Variants in DNM2 observed in about 807,000 individuals in gnomAD.
DNM2 encodes the protein dynamin-2.
DNM2 carries 15 observed loss-of-function variants against 99.0 expected under a neutral mutation model. The ratio of observed to expected loss-of-function variants is 0.15; its 90% CI spans 0.10 to 0.23. The LOEUF (loss-of-function observed/expected upper bound fraction) is 0.23. Among genes scored for constraint, DNM2 ranks in the 10% least tolerant of loss-of-function variants. The pLI is 1.00. For synonymous variants in DNM2, 525 were observed against 481.2 expected (o/e 1.09, Z -1.19); for missense variants, 742 against 1,189.4 (o/e 0.62, Z 5.53).
In DNM2 at chr19:10,830,535, G is replaced by C; in HGVS notation, c.2543+157G>C. ...TGGCTTGCGAGGAAACAGGCCCAGA[G>C]AGGCCAAGAGGCTTGTTCAGTGTCA... On this transcript the variant is annotated intron_variant, in intron 20 of 20. Transcript: ENST00000389253. This position sits in a 1 kb window ranked among gnomAD's most constrained non-coding sequence, Gnocchi z 4.8. 2.3e-6 allele frequency: 2 copies of C among 873,628 alleles called. No individual in the cohort carries two copies. The highest frequency in any genetic ancestry group is 3.5e-6 in the Non-Finnish European group (2 of 579,278). The allele number at this position is 873,628 out of a possible 1,614,324, so 54.1% of individuals were successfully genotyped here.
intron 7 of DNM2, 135 bp downstream of exon 7, chr19:10,786,841 G>T: frequency 2.0e-6 from 3 of 1,511,152 alleles, no homozygotes. Context: ...AGCCTTCTGC[G>T]TGCCAGGCTC....
intron 1 of DNM2, among the ~76,000 whole-genome samples, chr19:10,723,603 C>T (rs1253094985): frequency 1.3e-5 from 2 of 152,234 alleles, no homozygotes; most frequent in African/African-American, 2.4e-5. Flanking sequence ...AATAGCACTT[C>T]TTTCCCTTTC....
At chr19:10,748,087 G>C (rs2070057958) in intron 1 of DNM2, among the ~76,000 whole-genome samples, 1 of 152,178 alleles carries the variant, frequency 6.6e-6, no homozygotes, top group Non-Finnish European at 1.5e-5. Context: ...GACAGGTCGT[G>C]CAGGGCTTGG....
chr19:10,814,360 A>T (rs2072661258), intron 15 of DNM2, among the ~76,000 whole-genome samples: 1 of 152,112 alleles, frequency 6.6e-6, no homozygotes, highest in Non-Finnish European at 1.5e-5. Flanking sequence ...GCTACTCAGG[A>T]GGCTGAGGTG....
chr19:10,767,391 A>G (rs1002831014), intron 2 of DNM2, among the ~76,000 whole-genome samples: 3 of 152,172 alleles, frequency 2.0e-5, no homozygotes, highest in African/African-American at 7.2e-5. Context: ...AGCTCACTGC[A>G]GCTTCAACCT....
chr19:10,731,648 C>T (rs1399561186), intron 1 of DNM2, among the ~76,000 whole-genome samples: 1 of 152,232 alleles, frequency 6.6e-6, no homozygotes, highest in Non-Finnish European at 1.5e-5. Flanking sequence ...GCCGCCGTGC[C>T]CGGCCCCCAG....
intron 1 of DNM2, among the ~76,000 whole-genome samples, chr19:10,734,342 C>CAAA (rs752387265): frequency 0.011 from 1,046 of 92,382 alleles, 4 homozygotes; most frequent in Non-Finnish European, 0.016. Context: ...GACTCTGTCT[C>CAAA]AAAAAAAAAA....
intron 1 of DNM2, among the ~76,000 whole-genome samples, chr19:10,723,296 G>C (rs530897554): frequency 6.6e-6 from 1 of 152,256 alleles, no homozygotes; most frequent in East Asian, 1.9e-4. Context: ...ACCACGCCTG[G>C]CTAATTTTGT....
intron 14 of DNM2, 47 bp downstream of exon 14, chr19:10,808,627 T>C (rs2072435995): frequency 6.2e-7 from 1 of 1,600,652 alleles, no homozygotes. Context: ...AATCTAGTGG[T>C]GATGGAGACC....
chr19:10,831,412 A>T lies in DNM2; in HGVS notation c.*365A>T, dbSNP rs1028990265. 9.6e-7 allele frequency: 1 copy of T among 1,041,200 alleles called. No individual in the cohort carries two copies. Among genetic ancestry groups the T allele is most frequent in the African/African-American group, 1.7e-5 (1 of 58,968 alleles). The allele number at this position is 1,041,200 out of a possible 1,614,324, so 64.5% of individuals were successfully genotyped here. A position where few individuals can be genotyped will look rare whatever the true frequency, so the allele number is the denominator to read the frequency against. Reference sequence around the variant, plus strand: ...AAAGCCCATGTAGGGCAGGCCTTCTATAAGTGCGGGCACCAAGGGCGCCTA... The same window carrying T: ...AAAGCCCATGTAGGGCAGGCCTTCTTTAAGTGCGGGCACCAAGGGCGCCTA... On this transcript the variant is annotated 3_prime_UTR_variant, in exon 21 of 21. Coordinates refer to ENST00000389253, the MANE Select transcript of DNM2 (RefSeq NM_001005361.3). The surrounding 1 kb of genome is among the most constrained non-coding windows in gnomAD (Gnocchi z 4.3).
intron 1 of DNM2, among the ~76,000 whole-genome samples, chr19:10,727,113 C>T (rs1280042974): frequency 2.0e-5 from 3 of 152,114 alleles, no homozygotes; most frequent in Non-Finnish European, 4.4e-5. Flanking sequence ...AATCGTCTCC[C>T]CATGTGATTC....
intron 1 of DNM2, among the ~76,000 whole-genome samples, chr19:10,756,762 T>G (rs905628285): frequency 6.6e-6 from 1 of 151,870 alleles, no homozygotes; most frequent in Non-Finnish European, 1.5e-5. Flanking sequence ...TCTCTGGCTC[T>G]TCTCTATCCG....
chr19:10,795,990 A>G lies in DNM2; in HGVS notation c.1196+551A>G. On this transcript the variant is annotated intron_variant, in intron 9 of 20. Transcript: ENST00000389253. The surrounding 1 kb of genome is among the most constrained non-coding windows in gnomAD (Gnocchi z 4.2). ...CCTTGTTGGGGACCCGGCCAGGGCC[A>G]ATGAAATTGCTGACCATGCTTTGTT... The G allele has an allele frequency of 6.2e-7, 1 of 1,608,602 alleles. No individual in the cohort carries two copies. The highest frequency in any genetic ancestry group is 8.5e-7 in the Non-Finnish European group (1 of 1,179,282).
At position 10,775,639 on chromosome 19, in the gene DNM2, G is replaced by A; in HGVS notation, c.386-64G>A. 1 of 1,587,916 alleles carries A rather than the reference G, an allele frequency of 6.3e-7. No homozygotes were observed. Among genetic ancestry groups the A allele is most frequent in the Non-Finnish European group, 8.6e-7 (1 of 1,157,160 alleles). ...AACTTTGGTAGTCAGCTGGGTGGCT[G>A]CGGGCCTGTTTGTGCCTCCCCTCTC... On this transcript the variant is annotated intron_variant, in intron 3 of 20. Transcript: ENST00000389253. The surrounding 1 kb of genome is among the most constrained non-coding windows in gnomAD (Gnocchi z 4.3).
chr19:10,806,009 G>A (rs770008760), intron 13 of DNM2, 42 bp downstream of exon 13: 27 of 1,613,388 alleles, frequency 1.7e-5, no homozygotes, highest in South Asian at 1.4e-4. Context: ...CCCTGGGGGC[G>A]GGAGGACGCT....
Position 10,731,088 on chromosome 19 carries a change from G to A in DNM2, c.161+12685G>A, listed in dbSNP as rs533929831. Among the ~76,000 whole-genome samples, 3 of 152,274 alleles carry A rather than the reference G, an allele frequency of 2.0e-5. No homozygotes were observed. In the South Asian group the frequency reaches 6.2e-4, roughly 32 times the overall value. On this transcript the variant is annotated intron_variant, in intron 1 of 20. Transcript: ENST00000389253. ...GCGATCCTGGCGGGCCAGTCAAGCG[G>A]GCAGGAGCAGCCCCAGCCAGGGTGA...
Position 10,831,236 on chromosome 19 carries a change from G to C in DNM2, c.*189G>C. 7.5e-7 allele frequency: 1 copy of C among 1,342,142 alleles called. No homozygotes were observed. Among genetic ancestry groups the C allele is most frequent in the South Asian group, 1.9e-5 (1 of 51,666 alleles). 83.1% of individuals were successfully genotyped at this position (1,342,142 alleles called of 1,614,324 possible). On this transcript the variant is annotated 3_prime_UTR_variant, in exon 21 of 21. Coordinates refer to ENST00000389253, the MANE Select transcript of DNM2 (RefSeq NM_001005361.3). This position sits in a 1 kb window ranked among gnomAD's most constrained non-coding sequence, Gnocchi z 4.3. ...TGGCTGGACACCGCACTGCGCAAAGGGGCCCTGGAGCTCCAGGCAGGGGGC... is the reference window on the plus strand; with the variant it reads ...TGGCTGGACACCGCACTGCGCAAAGCGGCCCTGGAGCTCCAGGCAGGGGGC...
intron 16 of DNM2, among the ~76,000 whole-genome samples, chr19:10,822,341 C>G (rs2073002026): frequency 6.9e-6 from 1 of 144,114 alleles, no homozygotes; most frequent in South Asian, 2.2e-4. Context: ...AGGCGCACAC[C>G]ACCATGCCCA....
chr19:10,807,986 AC>A (rs1174939478), intron 13 of DNM2, among the ~76,000 whole-genome samples: 10 of 151,132 alleles, frequency 6.6e-5, no homozygotes, highest in Non-Finnish European at 1.0e-4. Context: ...CTACTAAAAT[AC>A]AAAAAATTAG....
Sources: allele counts gnomAD v4.1 joint callset (sites outside exome capture counted in the v4.1 genomes callset), GRCh38; gene constraint gnomAD v4.1.1; non-coding constraint Gnocchi (gnomAD v3.1); transcripts MANE v1.5; gene names NCBI Gene and HGNC (gene_info 2026-07-23, HGNC 2026-07-21).